RBL1: variants seen among roughly 807,000 people sequenced by gnomAD.
The protein encoded by RBL1 is retinoblastoma-like protein 1.
Under a neutral mutation model 123.0 loss-of-function variants are expected in RBL1, and 82 were observed. The ratio of observed to expected loss-of-function variants is 0.67; its 90% CI spans 0.56 to 0.80. The LOEUF is 0.80. Among genes scored for constraint, RBL1 ranks in the 30% least tolerant of loss-of-function variants. The pLI, the probability that RBL1 is intolerant of heterozygous loss-of-function variation, is 0.00. For synonymous variants in RBL1, 405 were observed against 441.3 expected (o/e 0.92, Z 1.03); for missense variants, 1,171 against 1,299.6 (o/e 0.90, Z 1.52).
intron 21 of RBL1, among the ~76,000 whole-genome samples, chr20:37,000,254 G>C (rs1323400914): frequency 6.7e-6 from 1 of 148,800 alleles, no homozygotes; most frequent in Admixed American, 6.6e-5. Flanking sequence ...CCCTCCGCCC[G>C]GCAGCCACTC....
rs970432611 is a variant in RBL1 at position 37,040,151 on chromosome 20, A to G, written c.1903+2T>C. On this transcript the variant is annotated splice_donor_variant, in intron 14 of 21. Transcript: ENST00000373664. LOFTEE classifies it high-confidence loss of function. The stretch of plus-strand genomic sequence containing the variant: ...TCATTCCTTTACCAATGTTGAACCT[A>G]CCTCTTCGAAGACTCCCACTGTCAG... 2.5e-6 allele frequency: 4 copies of G among 1,612,558 alleles called. No individual in the cohort carries two copies. The highest frequency in any genetic ancestry group is 1.6e-4 in the Middle Eastern group (1 of 6,082).
intron 4 of RBL1, 33 bp downstream of exon 4, chr20:37,067,200 A>T (rs1029705477): frequency 6.3e-7 from 1 of 1,581,242 alleles, no homozygotes; most frequent in South Asian, 1.2e-5. Context: ...TTCCCAGAGT[A>T]GAAATGTAAG....
rs149861802 is a variant in RBL1 at position 37,038,236 on chromosome 20, C to A, written c.1903+1917G>T. 1.8e-3 allele frequency among the ~76,000 whole-genome samples: 265 copies of A among 150,454 alleles called. 8 individuals carry two copies. In the East Asian group the frequency reaches 0.046, roughly 26 times the overall value. On this transcript the variant is annotated intron_variant, in intron 14 of 21. Transcript: ENST00000373664. ...CAAACTCTTGACCTCAGATGATCCACCTGCCTCGGCCTCCCAAACTGCTGG... is the reference window on the plus strand; with the variant it reads ...CAAACTCTTGACCTCAGATGATCCAACTGCCTCGGCCTCCCAAACTGCTGG...
chr20:37,094,368 G>A (rs1338368203), intron 1 of RBL1, among the ~76,000 whole-genome samples: 1 of 152,192 alleles, frequency 6.6e-6, no homozygotes, highest in Non-Finnish European at 1.5e-5. Context: ...ACCCACGGAT[G>A]TGGACCATTG....
chr20:37,078,887 G>C (rs1024070742), intron 2 of RBL1, among the ~76,000 whole-genome samples: 2 of 150,472 alleles, frequency 1.3e-5, no homozygotes, highest in African/African-American at 2.4e-5. Flanking sequence ...TTTTTGGGGG[G>C]CGGGCAGGGG....
chr20:37,033,942 TTTTTC>T (rs1470451457), intron 15 of RBL1, among the ~76,000 whole-genome samples: 3 of 143,848 alleles, frequency 2.1e-5, no homozygotes, highest in African/African-American at 7.5e-5. Context: ...TTTTTTTTTC[TTTTTC>T]TTTTTTTTTT....
rs770841869 is a variant in RBL1, at chr20:37,047,132, A to C, written c.1526T>G (p.Val509Gly). 1 of 1,606,590 alleles carries C rather than the reference A, an allele frequency of 6.2e-7. No homozygotes were observed. Among genetic ancestry groups the C allele is most frequent in the Admixed American group, 1.7e-5 (1 of 57,364 alleles). ...ACGAGGTGAGCTATAGGCAAAGAGCACAATTTCCAAACAACAAGCCATCAA... is the reference window on the plus strand; with the variant it reads ...ACGAGGTGAGCTATAGGCAAAGAGCCCAATTTCCAAACAACAAGCCATCAA... ...RSLMACCLEI[V>G]LFAYSSPRTF... Residue 509 changes from valine to glycine, a missense_variant, in exon 12 of 22, where the codon GTG becomes GGG. Transcript: ENST00000373664.
In RBL1 at chr20:37,027,814, G is replaced by C. The variant is rs573219630; in HGVS notation, c.2382+4851C>G. ...CTGTTGCTTGGGCTGGAGTGTAGTA[G>C]CACCTTCTTAGCTCACTGCAGCCTC... is the stretch of plus-strand genomic sequence containing the variant. On this transcript the variant is annotated intron_variant, in intron 16 of 21. Coordinates refer to ENST00000373664, the MANE Select transcript of RBL1 (RefSeq NM_002895.5). 1.9e-4 allele frequency among the ~76,000 whole-genome samples: 29 copies of C among 152,284 alleles called. 1 individual carries two copies. The South Asian group carries it at 5.8e-3, about 30-fold the overall frequency.
intron 2 of RBL1, among the ~76,000 whole-genome samples, chr20:37,072,951 T>A (rs2065305113): frequency 6.6e-6 from 1 of 152,152 alleles, no homozygotes. Flanking sequence ...AGTTGGTAAG[T>A]GATATCTCTT....
intron 1 of RBL1, among the ~76,000 whole-genome samples, chr20:37,094,940 G>C (rs1363330357): frequency 2.6e-5 from 4 of 152,142 alleles, no homozygotes; most frequent in Non-Finnish European, 5.9e-5. Flanking sequence ...GCCCAGCCTG[G>C]GTTTCTATAT....
intron 20 of RBL1, among the ~76,000 whole-genome samples, chr20:37,004,112 C>T (rs1487183152): frequency 6.7e-6 from 1 of 150,228 alleles, no homozygotes; most frequent in African/African-American, 2.4e-5. Context: ...CTCTTGTTGC[C>T]CAGGCTGGAG....
chr20:37,062,007 A>G, intron 8 of RBL1, 77 bp downstream of exon 8: 1 of 1,359,952 alleles, frequency 7.4e-7, no homozygotes. Context: ...AACTTGAAAG[A>G]TGCTTCTGCT....
In RBL1 at chr20:37,025,824, C is replaced by T. The variant is rs61646368; in HGVS notation, c.2383-2998G>A. On this transcript the variant is annotated intron_variant, in intron 16 of 21. Coordinates refer to ENST00000373664, the MANE Select transcript of RBL1 (RefSeq NM_002895.5). Reference sequence around the variant, plus strand: ...GTGGCGTGATCTCGGCTCACTGCAACCTCCGCCTCCCAGGTTCACGCCATT... The same window carrying T: ...GTGGCGTGATCTCGGCTCACTGCAATCTCCGCCTCCCAGGTTCACGCCATT... Among the ~76,000 whole-genome samples the T allele has an allele frequency of 6.0e-3, 905 of 150,850 alleles. 7 individuals are homozygous for T. Among genetic ancestry groups the T allele is most frequent in the African/African-American group, 0.021 (849 of 41,062 alleles).
chr20:37,061,050 C>G (rs1277651181), intron 9 of RBL1, 53 bp downstream of exon 9: 2 of 1,451,852 alleles, frequency 1.4e-6, no homozygotes. Flanking sequence ...TAGAATGGAA[C>G]AAGAAATCTA....
chr20:37,051,783 T>A (rs1277551265), intron 11 of RBL1, among the ~76,000 whole-genome samples: 2 of 151,394 alleles, frequency 1.3e-5, no homozygotes, highest in African/African-American at 4.9e-5. Flanking sequence ...ACATAACAAT[T>A]ACTAATTTTA....
chr20:37,078,156 C>T (rs1368542555), intron 2 of RBL1, among the ~76,000 whole-genome samples: 1 of 152,098 alleles, frequency 6.6e-6, no homozygotes, highest in Non-Finnish European at 1.5e-5. Context: ...ATGTCATATC[C>T]TTGTCAGAGG....
intron 9 of RBL1, among the ~76,000 whole-genome samples, chr20:37,057,616 A>G (rs2065030261): frequency 6.6e-6 from 1 of 152,152 alleles, no homozygotes; most frequent in African/African-American, 2.4e-5. Context: ...CTTAACTAAT[A>G]TATGGTTTAC....
intron 2 of RBL1, among the ~76,000 whole-genome samples, chr20:37,069,399 C>T (rs2065242788): frequency 6.6e-6 from 1 of 151,246 alleles, no homozygotes; most frequent in African/African-American, 2.5e-5. Context: ...TGAGGAGCAC[C>T]TCTTCCTCGC....
intron 9 of RBL1, among the ~76,000 whole-genome samples, chr20:37,057,288 T>C (rs1224458590): frequency 2.0e-5 from 3 of 152,218 alleles, no homozygotes; most frequent in South Asian, 2.1e-4. Context: ...CTGTTTTCCA[T>C]AGTGGCTGCA....
Sources: gnomAD v4.1 joint callset for allele counts (sites outside exome capture counted in the v4.1 genomes callset) on GRCh38, gnomAD v4.1.1 for gene constraint, MANE v1.5 for transcripts, NCBI Gene and HGNC (gene_info 2026-07-23, HGNC 2026-07-21) for gene names.